The following AKT3 variants were observed in gnomAD, a reference collection of about 807,000 sequenced individuals.
The protein encoded by AKT3 is RAC-gamma serine/threonine-protein kinase.
AKT3 carries 15 observed loss-of-function variants against 65.3 expected under a neutral mutation model. The observed-to-expected ratio is 0.23, with a 90% CI of 0.15 to 0.35. AKT3 has a LOEUF of 0.35. AKT3 is among the 10% of genes least tolerant of loss of function. The pLI is 1.00. For synonymous variants in AKT3, 206 were observed against 183.8 expected, an observed-to-expected ratio of 1.12 and a Z score of -0.98; for missense variants, 243 against 576.5, an observed-to-expected ratio of 0.42 and a Z score of 5.92.
chr1:243,830,648 T>C (rs148683965), intron 2 of AKT3, among the ~76,000 whole-genome samples: 1 of 152,224 alleles, frequency 6.6e-6, no homozygotes, highest in African/African-American at 2.4e-5. Flanking sequence ...AGATAAGTGA[T>C]CCATTAGAAA....
intron 8 of AKT3, among the ~76,000 whole-genome samples, chr1:243,589,364 T>C (rs998722959): frequency 3.2e-5 from 3 of 92,874 alleles, no homozygotes; most frequent in Admixed American, 9.4e-5. Context: ...GATCAAAAAA[T>C]AGGGAAAGGA....
intron 2 of AKT3, among the ~76,000 whole-genome samples, chr1:243,725,734 C>T (rs549673786): frequency 1.2e-4 from 19 of 152,024 alleles, no homozygotes; most frequent in Non-Finnish European, 2.5e-4. Flanking sequence ...TTCCAAAATA[C>T]CATTGCCAAA....
At chr1:243,609,474 A>G (rs908471669) in intron 8 of AKT3, among the ~76,000 whole-genome samples, 14 of 152,098 alleles carry the variant, frequency 9.2e-5, no homozygotes, top group African/African-American at 3.4e-4. Context: ...CCTGGCCAAC[A>G]TGGCCAAACC....
At chr1:243,759,266 G>A (rs1400634635) in intron 2 of AKT3, among the ~76,000 whole-genome samples, 1 of 152,132 alleles carries the variant, frequency 6.6e-6, no homozygotes, top group African/African-American at 2.4e-5. Flanking sequence ...AGTGAGCTAT[G>A]ATCGGACCAC....
At position 243,645,907 on chromosome 1, in the gene AKT3, G is replaced by A. The variant is rs1173790414; in HGVS notation, c.415C>T (p.His139Tyr). ...GEEEMDASTT[H>Y]HKRKTMNDFD... ...TTATTTTCTACCTTTCTTTTATGAT[G>A]GGTTGTAGAGGCATCCATCTCTTCC... is the stretch of plus-strand genomic sequence containing the variant. The change falls in exon 5 of 14, where the codon CAT (histidine) becomes TAT (tyrosine). Residue 139 changes from histidine (H) to tyrosine (Y), a missense_variant. This residue lies in a region of AKT3 where 72 missense variants were observed against 86.0 expected (regional missense o/e 0.84). Coordinates refer to ENST00000673466, the MANE Select transcript of AKT3 (RefSeq NM_005465.7). 6.2e-7 allele frequency: 1 copy of A among 1,605,992 alleles called. No individual in the cohort carries two copies. The highest frequency in any genetic ancestry group is 1.1e-5 in the South Asian group (1 of 89,412).
chr1:243,603,011 CA>C (rs1677123576), intron 8 of AKT3, among the ~76,000 whole-genome samples: 2 of 152,082 alleles, frequency 1.3e-5, no homozygotes, highest in Admixed American at 1.3e-4. Flanking sequence ...CCAAAGAAAA[CA>C]AAAACACCTC....
At chr1:243,726,198 C>A (rs973984586) in intron 2 of AKT3, among the ~76,000 whole-genome samples, 1 of 152,076 alleles carries the variant, frequency 6.6e-6, no homozygotes, top group Non-Finnish European at 1.5e-5. Context: ...TTAACCCACG[C>A]CCCAATATGT....
chr1:243,654,397 C>T (rs1681607278), intron 4 of AKT3, among the ~76,000 whole-genome samples: 1 of 152,050 alleles, frequency 6.6e-6, no homozygotes, highest in African/African-American at 2.4e-5. Flanking sequence ...CCATTCTGTA[C>T]TTATCCTCCT....
At chr1:243,527,711 T>G (rs1181864178) in intron 12 of AKT3, among the ~76,000 whole-genome samples, 3 of 152,100 alleles carry the variant, frequency 2.0e-5, no homozygotes, top group Admixed American at 6.5e-5. Context: ...TCACTCTTAA[T>G]AAGAAGGCAG....
At chr1:243,704,058 T>C (rs1288168035) in intron 2 of AKT3, among the ~76,000 whole-genome samples, 4 of 152,176 alleles carry the variant, frequency 2.6e-5, no homozygotes, top group African/African-American at 9.7e-5. Context: ...GTCTATGCAA[T>C]GTCTTTGACC....
At chr1:243,827,805 T>C (rs1289217895) in intron 2 of AKT3, among the ~76,000 whole-genome samples, 1 of 152,082 alleles carries the variant, frequency 6.6e-6, no homozygotes, top group African/African-American at 2.4e-5. Flanking sequence ...GGAAATCCTA[T>C]AATGAATTTT....
intron 10 of AKT3, 72 bp from the exon 11 acceptor site, chr1:243,553,015 A>AT: frequency 8.3e-7 from 1 of 1,211,186 alleles, no homozygotes. Flanking sequence ...AAAACATAAG[A>AT]TTTTTACATA....
At chr1:243,818,709 T>A (rs1167754018) in intron 2 of AKT3, among the ~76,000 whole-genome samples, 1 of 151,780 alleles carries the variant, frequency 6.6e-6, no homozygotes, top group Non-Finnish European at 1.5e-5. Flanking sequence ...CAGAAGTCCA[T>A]AAAAATCACA....
intron 6 of AKT3, among the ~76,000 whole-genome samples, chr1:243,621,109 C>T (rs548515007): frequency 3.4e-4 from 51 of 152,162 alleles, no homozygotes; most frequent in Middle Eastern, 6.8e-3. Flanking sequence ...GGCCTTCTTC[C>T]TTGCCTGGTA....
intron 2 of AKT3, among the ~76,000 whole-genome samples, chr1:243,754,904 C>G (rs965025622): frequency 1.3e-5 from 2 of 152,072 alleles, no homozygotes; most frequent in East Asian, 3.9e-4. Flanking sequence ...CCTGCTATGA[C>G]GAGGAAGAAT....
chr1:243,651,715 G>A lies in AKT3; in HGVS notation c.285-5678C>T, dbSNP rs188539794. ...TTACGTTTATTGATTTGTGTATGTT[G>A]CACCAGCCTTGCATCCCAGGGATGA... On this transcript the variant is annotated intron_variant, in intron 4 of 13. Transcript: ENST00000673466. Among the ~76,000 whole-genome samples the A allele has an allele frequency of 2.5e-3, 387 of 152,238 alleles. 5 individuals are homozygous for A. Among genetic ancestry groups the A allele is most frequent in the African/African-American group, 9.1e-3 (377 of 41,540 alleles).
At chr1:243,773,311 G>A (rs181510690) in intron 2 of AKT3, among the ~76,000 whole-genome samples, 25 of 151,826 alleles carry the variant, frequency 1.6e-4, no homozygotes, top group Admixed American at 1.6e-3. Flanking sequence ...CATGTTCACC[G>A]AGTATGAGTA....
intron 2 of AKT3, among the ~76,000 whole-genome samples, chr1:243,703,863 A>G (rs1369969998): frequency 6.6e-6 from 1 of 152,154 alleles, no homozygotes; most frequent in Non-Finnish European, 1.5e-5. Context: ...CACAGGGACA[A>G]TATGAAATGT....
chr1:243,654,140 CT>C (rs1468701538), intron 4 of AKT3, among the ~76,000 whole-genome samples: 1 of 152,046 alleles, frequency 6.6e-6, no homozygotes, highest in East Asian at 1.9e-4. Context: ...CTCTCACTGT[CT>C]TTTTAGTAAT....
Sources: gnomAD v4.1 joint callset for allele counts (sites outside exome capture counted in the v4.1 genomes callset) on GRCh38, gnomAD v4.1.1 for gene constraint, gnomAD v4.1.1 regional missense constraint, MANE v1.5 for transcripts, NCBI Gene and HGNC (gene_info 2026-07-23, HGNC 2026-07-21) for gene names.